Variants in CACNA1D observed in about 807,000 individuals in gnomAD.
CACNA1D encodes the protein calcium voltage-gated channel subunit alpha1 D, also known as voltage-dependent L-type calcium channel subunit alpha-1D.
In CACNA1D, 55 loss-of-function variants were observed where a neutral mutation model predicts 257.1. The ratio of observed to expected loss-of-function variants is 0.21; its 90% CI spans 0.17 to 0.27. The LOEUF (loss-of-function observed/expected upper bound fraction) is 0.27, where lower values mean the gene tolerates loss of function less well. Ranked by LOEUF, CACNA1D falls within the 10% of genes least tolerant of loss-of-function variation. The probability of loss-of-function intolerance (pLI) is 1.00; values close to 1 mark genes in which losing one functional copy is unlikely to be tolerated. For synonymous variants in CACNA1D, 980 were observed against 1,014.9 expected, an observed-to-expected ratio of 0.97 and a Z score of 0.65; for missense variants, 1,876 against 2,784.0, an observed-to-expected ratio of 0.67 and a Z score of 7.34.
intron 2 of CACNA1D, among the ~76,000 whole-genome samples, chr3:53,497,890 T>G (rs1275246720): frequency 1.3e-5 from 2 of 152,206 alleles, no homozygotes; most frequent in East Asian, 3.8e-4. Context: ...GGGAATACAT[T>G]TTTGACCTTT....
intron 3 of CACNA1D, among the ~76,000 whole-genome samples, chr3:53,558,688 C>T (rs1014231439): frequency 6.6e-6 from 1 of 152,074 alleles, no homozygotes; most frequent in African/African-American, 2.4e-5. Context: ...AGAATTGTTC[C>T]TCTTCTTTCT....
chr3:53,691,656 G>T lies in CACNA1D; in HGVS notation c.1221-10985G>T, dbSNP rs968968608. 1.8e-4 allele frequency among the ~76,000 whole-genome samples: 22 copies of T among 122,846 alleles called. 1 individual carries two copies. Among genetic ancestry groups the T allele is most frequent in the Middle Eastern group, 3.6e-3 (1 of 274 alleles). The allele number at this position is 122,846 out of a possible 152,430, so 80.6% of individuals were successfully genotyped here. ...TGAAATACTTTATTTCTGTGTGAGT[G>T]TGTGTGTGTGTATATATGTAATATA... is the stretch of plus-strand genomic sequence containing the variant. On this transcript the variant is annotated intron_variant, in intron 8 of 47. Coordinates refer to ENST00000350061, the MANE Select transcript of CACNA1D (RefSeq NM_001128840.3).
intron 3 of CACNA1D, among the ~76,000 whole-genome samples, chr3:53,546,067 T>G (rs2092405755): frequency 6.6e-6 from 1 of 152,058 alleles, no homozygotes; most frequent in South Asian, 2.1e-4. Context: ...GAAGGAGAAG[T>G]GACAAGGGAT....
intron 3 of CACNA1D, among the ~76,000 whole-genome samples, chr3:53,513,266 A>C (rs1462367663): frequency 1.3e-5 from 2 of 152,230 alleles, no homozygotes; most frequent in African/African-American, 4.8e-5. Context: ...ATAAGATTAT[A>C]ATGGAGCTAA....
At chr3:53,621,736 AC>A (rs766836166) in intron 3 of CACNA1D, among the ~76,000 whole-genome samples, 1 of 152,246 alleles carries the variant, frequency 6.6e-6, no homozygotes, top group Non-Finnish European at 1.5e-5. Flanking sequence ...AAACATTTGT[AC>A]GCAGGACAAA....
At chr3:53,636,229 TAGTG>T (rs1219791034) in intron 3 of CACNA1D, among the ~76,000 whole-genome samples, 1 of 152,182 alleles carries the variant, frequency 6.6e-6, no homozygotes, top group Non-Finnish European at 1.5e-5. Context: ...TTTTAAATCT[TAGTG>T]AGCAGTAATA....
intron 7 of CACNA1D, among the ~76,000 whole-genome samples, chr3:53,670,535 G>A (rs1010458236): frequency 1.6e-4 from 24 of 152,022 alleles, no homozygotes; most frequent in Admixed American, 1.0e-3. Context: ...AGTAGAGACG[G>A]GTTTCACCAT....
At chr3:53,698,004 G>T (rs1000005847) in intron 8 of CACNA1D, among the ~76,000 whole-genome samples, 1 of 152,122 alleles carries the variant, frequency 6.6e-6, no homozygotes, top group South Asian at 2.1e-4. Context: ...GCTTGTACCT[G>T]CCAGAGCATC....
chr3:53,572,408 TTATG>T (rs1393388619), intron 3 of CACNA1D, among the ~76,000 whole-genome samples: 1 of 148,150 alleles, frequency 6.7e-6, no homozygotes, highest in Non-Finnish European at 1.5e-5. Context: ...ATTTATTTAT[TTATG>T]TTTTAGAGAT....
At chr3:53,807,361 G>C (rs1246321738) in intron 45 of CACNA1D, 1 of 152,374 alleles carries the variant, frequency 6.6e-6, no homozygotes, top group African/African-American at 2.4e-5. Flanking sequence ...AGGCCCCACA[G>C]TGCGCACTGG....
intron 3 of CACNA1D, among the ~76,000 whole-genome samples, chr3:53,538,310 C>T (rs539825941): frequency 4.2e-4 from 64 of 151,870 alleles, no homozygotes; most frequent in African/African-American, 1.5e-3. Context: ...ACCATGCGTG[C>T]CATGTCTGGC....
chr3:53,807,445 C>G (rs1553690908), intron 45 of CACNA1D: 3 of 152,330 alleles, frequency 2.0e-5, no homozygotes, highest in Non-Finnish European at 4.4e-5. Flanking sequence ...AGCCCGGTCT[C>G]TTGTGTGCAG....
intron 3 of CACNA1D, among the ~76,000 whole-genome samples, chr3:53,575,761 A>G (rs2093027040): frequency 6.6e-6 from 1 of 152,222 alleles, no homozygotes; most frequent in South Asian, 2.1e-4. Context: ...GTTTAAAAAA[A>G]TCACCAGTCA....
At chr3:53,624,325 G>A (rs898683949) in intron 3 of CACNA1D, among the ~76,000 whole-genome samples, 1 of 152,228 alleles carries the variant, frequency 6.6e-6, no homozygotes, top group African/African-American at 2.4e-5. Context: ...ACTGATCTAT[G>A]TAGTAATAAG....
At chr3:53,614,129 A>AAG (rs1272166612) in intron 3 of CACNA1D, among the ~76,000 whole-genome samples, 1 of 149,854 alleles carries the variant, frequency 6.7e-6, no homozygotes, top group African/African-American at 2.4e-5. Flanking sequence ...CCCAACTCAA[A>AAG]AAAAAAAAAA....
chr3:53,593,261 A>G (rs949811754), intron 3 of CACNA1D, among the ~76,000 whole-genome samples: 5 of 152,220 alleles, frequency 3.3e-5, no homozygotes, highest in African/African-American at 1.2e-4. Context: ...TAATTTTATG[A>G]GACAGTGTAA....
At chr3:53,524,829 C>G (rs1449540031) in intron 3 of CACNA1D, among the ~76,000 whole-genome samples, 1 of 152,212 alleles carries the variant, frequency 6.6e-6, no homozygotes, top group East Asian at 1.9e-4. Flanking sequence ...TAAACACTCA[C>G]TCACTTGAGC....
chr3:53,515,833 C>T (rs2091311147), intron 3 of CACNA1D, among the ~76,000 whole-genome samples: 2 of 152,188 alleles, frequency 1.3e-5, no homozygotes, highest in Admixed American at 1.3e-4. Flanking sequence ...TGCAAGGGAA[C>T]CCTCTGTGAA....
At chr3:53,679,705 C>T (rs1303516487) in intron 8 of CACNA1D, 2 of 152,210 alleles carry the variant, frequency 1.3e-5, no homozygotes, top group Non-Finnish European at 2.9e-5. Flanking sequence ...TTAATGATTA[C>T]TTGTAGCAAA....
Sources: allele counts gnomAD v4.1 joint callset (sites outside exome capture counted in the v4.1 genomes callset), GRCh38; gene constraint gnomAD v4.1.1; transcripts MANE v1.5; gene names NCBI Gene and HGNC (gene_info 2026-07-23, HGNC 2026-07-21).